The following CCDC102B variants were observed in gnomAD, a reference collection of about 807,000 sequenced individuals.
CCDC102B encodes coiled-coil domain-containing protein 102B.
A neutral mutation model predicts 57.4 loss-of-function variants in CCDC102B; 75 were observed. The ratio of observed to expected loss-of-function variants is 1.31; its 90% CI spans 1.08 to 1.58. The LOEUF (loss-of-function observed/expected upper bound fraction) is 1.58, where lower values mean the gene tolerates loss of function less well. Ranked by LOEUF, CCDC102B falls within the 40% of genes most tolerant of loss-of-function variation. The pLI is 0.00. For synonymous variants in CCDC102B, 206 were observed against 201.9 expected (o/e 1.02, Z -0.17); for missense variants, 636 against 582.6 (o/e 1.09, Z -0.94).
At chr18:68,984,422 T>A (rs1274376761) in intron 6 of CCDC102B, among the ~76,000 whole-genome samples, 1 of 152,118 alleles carries the variant, frequency 6.6e-6, no homozygotes, top group African/African-American at 2.4e-5. Flanking sequence ...CCTACCAGAA[T>A]ATGTAGTTCT....
chr18:68,743,204 AAAAT>A (rs149028636), intron 2 of CCDC102B, among the ~76,000 whole-genome samples: 12,968 of 142,418 alleles, frequency 0.091, 1,523 homozygotes, highest in African/African-American at 0.28. Flanking sequence ...CATCTCAACA[AAAAT>A]AAATAAATAA....
At position 68,723,302 on chromosome 18, in the gene CCDC102B, A is replaced by G. The variant is rs309238; in HGVS notation, c.-67+6708A>G. ...TTGGGTGGGGACACAGGACCAAACC[A>G]TATCATTCTGCCCCTTGCCCCTCCC... On this transcript the variant is annotated intron_variant, in intron 2 of 3. Coordinates refer to the CCDC102B transcript ENST00000578970. Among the ~76,000 whole-genome samples, 1,058 of 152,194 alleles carry G rather than the reference A, an allele frequency of 7.0e-3. 10 individuals carry two copies. The highest frequency in any genetic ancestry group is 0.023 in the African/African-American group (975 of 41,518).
At position 68,790,679 on chromosome 18, in the gene CCDC102B, T is replaced by A. The variant is rs374746228; in HGVS notation, c.-66-32687T>A. On this transcript the variant is annotated intron_variant, in intron 2 of 3. Coordinates refer to the CCDC102B transcript ENST00000578970. The stretch of plus-strand genomic sequence containing the variant: ...TCCCAAGTGAGGCAATGCCTCGCCC[T>A]GCTTCGGCTCGTGCACGGTGCGCGC... Among the ~76,000 whole-genome samples, 21 of 152,312 alleles carry A rather than the reference T, an allele frequency of 1.4e-4. No individual in the cohort carries two copies. In the South Asian group the frequency reaches 3.5e-3, roughly 26 times the overall value.
chr18:68,957,931 C>G (rs539951804), intron 6 of CCDC102B, among the ~76,000 whole-genome samples: 1 of 151,944 alleles, frequency 6.6e-6, no homozygotes, highest in Non-Finnish European at 1.5e-5. Flanking sequence ...TGTATTTGTC[C>G]GTTTTCAAGC....
intron 6 of CCDC102B, among the ~76,000 whole-genome samples, chr18:68,921,329 AGAG>A (rs1158709463): frequency 6.6e-6 from 1 of 152,126 alleles, no homozygotes; most frequent in Non-Finnish European, 1.5e-5. Flanking sequence ...GTTTTTAAAA[AGAG>A]GAGTTTCCCC....
At chr18:68,739,643 G>A (rs966937531) in intron 2 of CCDC102B, among the ~76,000 whole-genome samples, 1 of 152,212 alleles carries the variant, frequency 6.6e-6, no homozygotes, top group African/African-American at 2.4e-5. Context: ...GTCACTTGGT[G>A]ACTTCATATC....
Position 69,052,192 on chromosome 18 carries a change from C to A in CCDC102B, c.1435-1838C>A, listed in dbSNP as rs1431423. On this transcript the variant is annotated intron_variant, in intron 7 of 7. Transcript: ENST00000360242. Reference sequence around the variant, plus strand: ...CAAAATAGAGTAATGAGCAAAAGGCCTGAATAAACATACATGAGAAAAATG... The same window carrying A: ...CAAAATAGAGTAATGAGCAAAAGGCATGAATAAACATACATGAGAAAAATG... Among the ~76,000 whole-genome samples, 175 of 151,686 alleles carry A rather than the reference C, an allele frequency of 1.2e-3. 1 individual carries two copies. Among genetic ancestry groups the A allele is most frequent in the African/African-American group, 3.9e-3 (160 of 41,340 alleles).
intron 5 of CCDC102B, among the ~76,000 whole-genome samples, chr18:68,891,744 T>C (rs993694792): frequency 6.6e-6 from 1 of 152,212 alleles, no homozygotes; most frequent in Non-Finnish European, 1.5e-5. Flanking sequence ...GAGAGGGATC[T>C]CTGGTACATC....
chr18:68,813,774 TTATA>T (rs142225933), intron 1 of CCDC102B, among the ~76,000 whole-genome samples: 23 of 145,960 alleles, frequency 1.6e-4, no homozygotes, highest in African/African-American at 5.8e-4. Context: ...AAATATAATT[TTATA>T]TATATATATA....
At chr18:68,741,360 G>C (rs1431613946) in intron 2 of CCDC102B, among the ~76,000 whole-genome samples, 1 of 152,152 alleles carries the variant, frequency 6.6e-6, no homozygotes, top group Non-Finnish European at 1.5e-5. Context: ...TTCCCAGACA[G>C]GCATGATTGA....
intron 7 of CCDC102B, among the ~76,000 whole-genome samples, chr18:69,048,350 A>G (rs1388444092): frequency 6.6e-6 from 1 of 152,086 alleles, no homozygotes; most frequent in Non-Finnish European, 1.5e-5. Flanking sequence ...TCTTGAACCT[A>G]TATAACAGAA....
intron 2 of CCDC102B, among the ~76,000 whole-genome samples, chr18:68,783,625 T>C (rs912202581): frequency 2.3e-4 from 35 of 152,158 alleles, no homozygotes; most frequent in African/African-American, 8.4e-4. Flanking sequence ...AGCCTTCTCT[T>C]TCAGATATTG....
intron 6 of CCDC102B, among the ~76,000 whole-genome samples, chr18:68,960,148 G>T (rs908675971): frequency 2.0e-5 from 3 of 152,204 alleles, no homozygotes; most frequent in Non-Finnish European, 2.9e-5. Context: ...AAGGCTCACA[G>T]TGAGTACTGC....
chr18:68,837,865 A>C (rs575213866), intron 2 of CCDC102B, among the ~76,000 whole-genome samples: 6 of 152,286 alleles, frequency 3.9e-5, no homozygotes, highest in African/African-American at 7.2e-5. Context: ...AACACATCTT[A>C]TTTTATTGCT....
At chr18:68,970,627 T>A (rs570456011) in intron 6 of CCDC102B, among the ~76,000 whole-genome samples, 3 of 152,104 alleles carry the variant, frequency 2.0e-5, no homozygotes, top group African/African-American at 4.8e-5. Context: ...TCCTCAGGAT[T>A]GTTTAGAGAA....
chr18:68,737,740 C>T (rs1479179352), intron 2 of CCDC102B, among the ~76,000 whole-genome samples: 3 of 152,102 alleles, frequency 2.0e-5, no homozygotes. Flanking sequence ...TTCATGATTA[C>T]AGTTAATTGC....
At chr18:68,948,722 C>A (rs2049608399) in intron 6 of CCDC102B, among the ~76,000 whole-genome samples, 1 of 152,092 alleles carries the variant, frequency 6.6e-6, no homozygotes, top group African/African-American at 2.4e-5. Flanking sequence ...CTACTCCCAG[C>A]AGAATCAACA....
At chr18:68,890,780 T>C (rs1437037530) in intron 5 of CCDC102B, among the ~76,000 whole-genome samples, 1 of 152,190 alleles carries the variant, frequency 6.6e-6, no homozygotes, top group Non-Finnish European at 1.5e-5. Context: ...CTATTGGTAG[T>C]TTTTTATCTT....
chr18:68,985,211 A>G (rs1467282157), intron 6 of CCDC102B, among the ~76,000 whole-genome samples: 3 of 152,220 alleles, frequency 2.0e-5, no homozygotes, highest in South Asian at 2.1e-4. Context: ...AACAAAATAT[A>G]CAATATGCTT....
Sources: allele counts gnomAD v4.1 joint callset (sites outside exome capture counted in the v4.1 genomes callset), GRCh38; gene constraint gnomAD v4.1.1; transcripts MANE v1.5; gene names NCBI Gene and HGNC (gene_info 2026-07-23, HGNC 2026-07-21).